The following OCA2 variants were observed in gnomAD, a reference collection of about 807,000 sequenced individuals.
OCA2 encodes P protein.
OCA2 carries 77 observed loss-of-function variants against 100.2 expected under a neutral mutation model. The observed-to-expected ratio is 0.77, with a 90% CI of 0.64 to 0.93. The LOEUF (loss-of-function observed/expected upper bound fraction) is 0.93, where lower values mean the gene tolerates loss of function less well. Ranked by LOEUF, OCA2 falls within the 40% of genes least tolerant of loss-of-function variation. The pLI, the probability that OCA2 is intolerant of heterozygous loss-of-function variation, is 0.00. For missense variants in OCA2, 1,062 were observed against 1,089.1 expected (o/e 0.98, Z 0.35); for synonymous variants, 432 against 439.2 (o/e 0.98, Z 0.21).
chr15:27,878,683 C>A (rs2036888042), intron 19 of OCA2, among the ~76,000 whole-genome samples: 1 of 152,042 alleles, frequency 6.6e-6, no homozygotes, highest in African/African-American at 2.4e-5. Flanking sequence ...TGTGTCTAGG[C>A]ATGTTTTCCT....
At chr15:27,929,185 C>T (rs2039154911) in intron 18 of OCA2, among the ~76,000 whole-genome samples, 1 of 152,004 alleles carries the variant, frequency 6.6e-6, no homozygotes, top group South Asian at 2.1e-4. Context: ...ACTAGAATAA[C>T]CAATGCAACT....
intron 19 of OCA2, among the ~76,000 whole-genome samples, chr15:27,895,441 GC>G (rs1345631649): frequency 6.6e-6 from 1 of 152,210 alleles, no homozygotes; most frequent in Non-Finnish European, 1.5e-5. Context: ...TTGTTGAATG[GC>G]TTTGACCAAA....
At chr15:27,720,590 G>A in the OCA2 span, among the ~76,000 whole-genome samples, 6 of 151,086 alleles carry the variant, frequency 4.0e-5, no homozygotes, top group Admixed American at 2.6e-4. Context: ...AAACCACTAG[G>A]CTGAGCAAAA....
chr15:27,825,944 C>T (rs1566996228), intron 23 of OCA2, among the ~76,000 whole-genome samples: 1 of 152,212 alleles, frequency 6.6e-6, no homozygotes, highest in Non-Finnish European at 1.5e-5. Context: ...TAAATTAGAT[C>T]ATATCTAAGG....
At chr15:27,971,852 G>A (rs984526605) in intron 14 of OCA2, among the ~76,000 whole-genome samples, 2 of 152,024 alleles carry the variant, frequency 1.3e-5, no homozygotes, top group Non-Finnish European at 2.9e-5. Flanking sequence ...CTTTAGGGGT[G>A]CAAGTGGTTT....
chr15:27,756,776 G>A (rs753504012), intron 23 of OCA2, among the ~76,000 whole-genome samples: 1 of 152,144 alleles, frequency 6.6e-6, no homozygotes, highest in Non-Finnish European at 1.5e-5. Context: ...TGAGACACCT[G>A]GCCATGTTTT....
chr15:28,065,944 A>G (rs2044010112), intron 2 of OCA2, among the ~76,000 whole-genome samples: 1 of 152,190 alleles, frequency 6.6e-6, no homozygotes, highest in Admixed American at 6.5e-5. Flanking sequence ...AAAGACAATT[A>G]GTTTTTGTAT....
At chr15:28,026,586 T>G (rs1389407152) in intron 4 of OCA2, among the ~76,000 whole-genome samples, 1 of 152,228 alleles carries the variant, frequency 6.6e-6, no homozygotes, top group Admixed American at 6.5e-5. Flanking sequence ...GTGGGGGATC[T>G]AGGGTCGAAT....
chr15:28,040,380 G>T (rs2043168104), intron 2 of OCA2, among the ~76,000 whole-genome samples: 1 of 152,148 alleles, frequency 6.6e-6, no homozygotes, highest in Admixed American at 6.6e-5. Context: ...GAAATTTATA[G>T]CTGTAAATGC....
intron 23 of OCA2, among the ~76,000 whole-genome samples, chr15:27,799,809 C>T (rs1030813374): frequency 1.1e-4 from 16 of 152,108 alleles, no homozygotes; most frequent in African/African-American, 3.6e-4. Flanking sequence ...CAGCCAGCCA[C>T]GTCCCTTCAT....
intron 19 of OCA2, among the ~76,000 whole-genome samples, chr15:27,884,015 G>A (rs2037125816): frequency 6.6e-6 from 1 of 152,184 alleles, no homozygotes; most frequent in African/African-American, 2.4e-5. Context: ...TTTGGAGAAT[G>A]TCAGAGCAAG....
chr15:27,770,808 TCCTTCCTC>T (rs1329059588), intron 23 of OCA2, among the ~76,000 whole-genome samples: 2 of 126,122 alleles, frequency 1.6e-5, no homozygotes, highest in African/African-American at 6.3e-5. Flanking sequence ...CTCTTTTCCT[TCCTTCCTC>T]CCTTCCATTC....
intron 23 of OCA2, among the ~76,000 whole-genome samples, chr15:27,788,005 G>A (rs1036617548): frequency 4.6e-5 from 7 of 151,896 alleles, no homozygotes; most frequent in Admixed American, 6.6e-5. Flanking sequence ...GAAGTGAGCT[G>A]TCTAATTTCC....
chr15:27,879,826 C>CT (rs1182216777), intron 19 of OCA2, among the ~76,000 whole-genome samples: 3 of 152,120 alleles, frequency 2.0e-5, no homozygotes, highest in African/African-American at 7.2e-5. Flanking sequence ...ATGTTAGTTT[C>CT]TTTTGCTGTG....
At chr15:27,829,494 T>A (rs2034870344) in intron 23 of OCA2, among the ~76,000 whole-genome samples, 1 of 152,170 alleles carries the variant, frequency 6.6e-6, no homozygotes, top group South Asian at 2.1e-4. Flanking sequence ...ATTCAACTCT[T>A]CACCTGCCTA....
At chr15:28,013,851 G>A (rs2042307840) in intron 9 of OCA2, among the ~76,000 whole-genome samples, 1 of 152,096 alleles carries the variant, frequency 6.6e-6, no homozygotes, top group South Asian at 2.1e-4. Flanking sequence ...AAAAGAAAAT[G>A]GATAGAAAAT....
At chr15:27,984,614 G>A (rs1028244125) in intron 13 of OCA2, among the ~76,000 whole-genome samples, 2 of 152,190 alleles carry the variant, frequency 1.3e-5, no homozygotes, top group South Asian at 2.1e-4. Flanking sequence ...AGGCTGGAGT[G>A]TGGTGGCGCA....
chr15:28,007,656 G>A (rs531619803), intron 9 of OCA2, among the ~76,000 whole-genome samples: 3 of 152,166 alleles, frequency 2.0e-5, no homozygotes, highest in African/African-American at 7.2e-5. Flanking sequence ...CTTGAACCCG[G>A]GAGGTGGAGG....
intron 23 of OCA2, among the ~76,000 whole-genome samples, chr15:27,766,785 C>T (rs1283358651): frequency 6.6e-6 from 1 of 152,100 alleles, no homozygotes; most frequent in Non-Finnish European, 1.5e-5. Flanking sequence ...CCCAGCCATC[C>T]CTTGAACACA....
Sources: gnomAD v4.1 joint callset for allele counts (sites outside exome capture counted in the v4.1 genomes callset) on GRCh38, gnomAD v4.1.1 for gene constraint, MANE v1.5 for transcripts, NCBI Gene and HGNC (gene_info 2026-07-23, HGNC 2026-07-21) for gene names.